Variants in CD58 observed in about 807,000 individuals in gnomAD.
CD58 encodes CD58 molecule.
Under a neutral mutation model 27.6 loss-of-function variants are expected in CD58, and 14 were observed. The ratio of observed to expected loss-of-function variants is 0.51; its 90% CI spans 0.34 to 0.79. The LOEUF (loss-of-function observed/expected upper bound fraction) is 0.79, where lower values mean the gene tolerates loss of function less well. Among genes scored for constraint, CD58 ranks in the 30% least tolerant of loss-of-function variants. The pLI is 0.02. For synonymous variants in CD58, 117 were observed against 103.8 expected (o/e 1.13, Z -0.77); for missense variants, 268 against 301.7 (o/e 0.89, Z 0.83).
chr1:116,558,032 C>T (rs1366885587), intron 1 of CD58, among the ~76,000 whole-genome samples: 1 of 151,150 alleles, frequency 6.6e-6, no homozygotes, highest in Admixed American at 6.6e-5. Context: ...AAAGGGTTTT[C>T]TTGAGTTTGT....
At chr1:116,562,407 T>C (rs565355635) in intron 1 of CD58, among the ~76,000 whole-genome samples, 30 of 152,268 alleles carry the variant, frequency 2.0e-4, no homozygotes, top group Admixed American at 4.6e-4. Context: ...CAGCCTCAAA[T>C]TCCCAGACTC....
chr1:116,536,306 G>T lies in CD58; in HGVS notation c.365-78C>A. 1 of 1,057,264 alleles carries T rather than the reference G, an allele frequency of 9.5e-7. No individual in the cohort carries two copies. Among genetic ancestry groups the T allele is most frequent in the Non-Finnish European group, 1.3e-6 (1 of 742,286 alleles). The allele number at this position is 1,057,264 out of a possible 1,614,324, so 65.5% of individuals were successfully genotyped here. A position where few individuals can be genotyped will look rare whatever the true frequency, so the allele number is the denominator to read the frequency against. ...TCATCTGCAAATTTATGAAGAGCTC[G>T]CAACCTCCTTACAAGCTTGAAAGGA... is the stretch of plus-strand genomic sequence containing the variant. On this transcript the variant is annotated intron_variant, in intron 2 of 5. Transcript: ENST00000369489. The surrounding 1 kb of genome is among the most constrained non-coding windows in gnomAD (Gnocchi z 5.4).
intron 2 of CD58, among the ~76,000 whole-genome samples, chr1:116,540,279 C>T (rs541315876): frequency 6.6e-6 from 1 of 151,764 alleles, no homozygotes; most frequent in South Asian, 2.1e-4. Flanking sequence ...GGTCTGGTGT[C>T]TCTAGAAGAT....
At chr1:116,535,575 C>A (rs1263276856) in intron 3 of CD58, among the ~76,000 whole-genome samples, 1 of 98,246 alleles carries the variant, frequency 1.0e-5, no homozygotes, top group Non-Finnish European at 1.8e-5. Context: ...GGCGCGGTGG[C>A]TCACGCCTGT....
intron 2 of CD58, among the ~76,000 whole-genome samples, chr1:116,537,614 T>C (rs910063957): frequency 2.6e-5 from 4 of 152,220 alleles, no homozygotes; most frequent in African/African-American, 9.7e-5. Context: ...GTGCCTCCTA[T>C]TGGCTAAGGC....
At position 116,571,010 on chromosome 1, in the gene CD58, C is replaced by T; in HGVS notation, c.-38G>A. The T allele has an allele frequency of 6.6e-7, 1 of 1,516,404 alleles. No homozygotes were observed. The highest frequency in any genetic ancestry group is 8.8e-7 in the Non-Finnish European group (1 of 1,132,806). 93.9% of individuals were successfully genotyped at this position (1,516,404 alleles called of 1,614,324 possible). ...CGGCCTCTGCGCGAGTGCCCAGCCA[C>T]AAGCAGCCCTAAGTTCAAGCACCGC... is the stretch of plus-strand genomic sequence containing the variant. On this transcript the variant is annotated 5_prime_UTR_variant, in exon 1 of 6. The change creates a new upstream start codon in the 5' untranslated region. Coordinates refer to ENST00000369489, the MANE Select transcript of CD58 (RefSeq NM_001779.3).
chr1:116,566,679 CAAATGTGG>C (rs753740935), intron 1 of CD58, among the ~76,000 whole-genome samples: 4 of 152,040 alleles, frequency 2.6e-5, no homozygotes, highest in African/African-American at 4.8e-5. Context: ...TCCCACTTGT[CAAATGTGG>C]GGTTGCCGAG....
In CD58 at chr1:116,531,688, TTC is replaced by T. The variant is rs1194580679; in HGVS notation, c.628+4275_628+4276del. 6.6e-6 allele frequency among the ~76,000 whole-genome samples: 1 copy of T among 152,252 alleles called. No homozygotes were observed. The highest frequency in any genetic ancestry group is 1.5e-5 in the Non-Finnish European group (1 of 68,044). ...GTGACACCTCTGTGGGTTTGATCTT[TTC>T]TCTGTCTTCAAAAATCAAATCTATC... On this transcript the variant is annotated intron_variant, in intron 3 of 5. Coordinates refer to ENST00000369489, the MANE Select transcript of CD58 (RefSeq NM_001779.3). The surrounding 1 kb of genome is among the most constrained non-coding windows in gnomAD (Gnocchi z 4.5).
intron 1 of CD58, among the ~76,000 whole-genome samples, chr1:116,566,894 T>G (rs1469832577): frequency 6.6e-6 from 1 of 151,912 alleles, no homozygotes; most frequent in Non-Finnish European, 1.5e-5. Flanking sequence ...ATCCCGACAC[T>G]TTGGGAAACT....
At chr1:116,533,703 CTCT>C (rs1657693659) in intron 3 of CD58, 1 of 685,350 alleles carries the variant, frequency 1.5e-6, no homozygotes, top group African/African-American at 1.8e-5. Context: ...ATTTCTCCTC[CTCT>C]TCATTTTCAC....
chr1:116,564,243 T>G (rs1658859972), intron 1 of CD58, among the ~76,000 whole-genome samples: 1 of 152,214 alleles, frequency 6.6e-6, no homozygotes, highest in East Asian at 1.9e-4. Context: ...TCCCAACAAT[T>G]GTTCCTCATC....
At chr1:116,565,920 C>CAT (rs1658914727) in intron 1 of CD58, among the ~76,000 whole-genome samples, 1 of 151,914 alleles carries the variant, frequency 6.6e-6, no homozygotes, top group Non-Finnish European at 1.5e-5. Context: ...GGTTTCACTG[C>CAT]GTTAGCCAGG....
chr1:116,537,234 G>C (rs1003975137), intron 2 of CD58, among the ~76,000 whole-genome samples: 4 of 152,204 alleles, frequency 2.6e-5, no homozygotes, highest in African/African-American at 9.7e-5. Context: ...AGTGGGCTAT[G>C]ATTGCATCAG....
At chr1:116,555,685 A>G (rs576836198) in intron 1 of CD58, among the ~76,000 whole-genome samples, 1 of 152,370 alleles carries the variant, frequency 6.6e-6, no homozygotes, top group East Asian at 1.9e-4. Flanking sequence ...TCTACAAAAC[A>G]TCAACACCTC....
At chr1:116,529,789 T>C (rs1208165358) in intron 3 of CD58, among the ~76,000 whole-genome samples, 1 of 152,208 alleles carries the variant, frequency 6.6e-6, no homozygotes, top group Non-Finnish European at 1.5e-5. Flanking sequence ...CTGTCCTCAA[T>C]CTTAACTGTC....
chr1:116,560,021 T>G (rs1290175001), intron 1 of CD58: 1 of 154,038 alleles, frequency 6.5e-6, no homozygotes, highest in East Asian at 1.9e-4. Context: ...TTTTTTGTAG[T>G]AACTACTAGG....
At position 116,531,519 on chromosome 1, in the gene CD58, T is replaced by C. The variant is rs1357208853; in HGVS notation, c.628+4446A>G. ...GCTTTTACAACAAATTGCATTTCCA[T>C]ATCGTATGCCTTGGGTATTATGTAA... is the stretch of plus-strand genomic sequence containing the variant. On this transcript the variant is annotated intron_variant, in intron 3 of 5. Coordinates refer to ENST00000369489, the MANE Select transcript of CD58 (RefSeq NM_001779.3). The surrounding 1 kb of genome is among the most constrained non-coding windows in gnomAD (Gnocchi z 4.5). Among the ~76,000 whole-genome samples, 3 of 152,154 alleles carry C rather than the reference T, an allele frequency of 2.0e-5. No individual in the cohort carries two copies. The highest frequency in any genetic ancestry group is 1.3e-4 in the Admixed American group (2 of 15,278).
chr1:116,547,294 C>T (rs1219955182), intron 1 of CD58, among the ~76,000 whole-genome samples: 1 of 151,374 alleles, frequency 6.6e-6, no homozygotes, highest in African/African-American at 2.4e-5. Context: ...CAGTTCCATC[C>T]AGGTTGCTGT....
rs1658611917 is a variant in CD58 at position 116,557,809 on chromosome 1, A to G, written c.70+13094T>C. On this transcript the variant is annotated intron_variant, in intron 1 of 5. Transcript: ENST00000369489. The surrounding 1 kb of genome is among the most constrained non-coding windows in gnomAD (Gnocchi z 5.2). Reference sequence around the variant, plus strand: ...CTGCCTCAGCCTCCCAAGTAGCTAGAACTACAGTTGCATGCCACCACGCCC... The same window carrying G: ...CTGCCTCAGCCTCCCAAGTAGCTAGGACTACAGTTGCATGCCACCACGCCC... 6.6e-6 allele frequency among the ~76,000 whole-genome samples: 1 copy of G among 151,708 alleles called. No homozygotes were observed.
Sources: allele counts gnomAD v4.1 joint callset (sites outside exome capture counted in the v4.1 genomes callset), GRCh38; gene constraint gnomAD v4.1.1; non-coding constraint Gnocchi (gnomAD v3.1); transcripts MANE v1.5; gene names NCBI Gene and HGNC (gene_info 2026-07-23, HGNC 2026-07-21).